NME7: variants seen among roughly 807,000 people sequenced by gnomAD.
NME7 encodes the protein NME/NM23 family member 7.
In NME7, 41 loss-of-function variants were observed where a neutral mutation model predicts 49.1. The observed-to-expected ratio is 0.83, with a 90% CI of 0.65 to 1.08. The LOEUF (loss-of-function observed/expected upper bound fraction) is 1.08. NME7 is among the 50% of genes least tolerant of loss of function. The pLI is 0.00. For missense variants in NME7, 423 were observed against 463.4 expected, an observed-to-expected ratio of 0.91 and a Z score of 0.80; for synonymous variants, 139 against 150.6, an observed-to-expected ratio of 0.92 and a Z score of 0.56.
At chr1:169,277,750 G>T (rs1449154449) in intron 7 of NME7, among the ~76,000 whole-genome samples, 1 of 106,138 alleles carries the variant, frequency 9.4e-6, no homozygotes, top group Non-Finnish European at 2.0e-5. Context: ...TGGTTATTTT[G>T]CTCGTTAGTT....
At chr1:169,223,590 A>T (rs957687107) in intron 10 of NME7, among the ~76,000 whole-genome samples, 1 of 152,086 alleles carries the variant, frequency 6.6e-6, no homozygotes, top group Non-Finnish European at 1.5e-5. Flanking sequence ...TTGATATGTC[A>T]CCATTACTTT....
intron 1 of NME7, among the ~76,000 whole-genome samples, chr1:169,367,143 T>TA (rs10626974): frequency 0.49 from 72,795 of 148,474 alleles, 18,719 homozygotes; most frequent in Non-Finnish European, 0.58. Context: ...AATTTCTGTT[T>TA]AAAAAAAAAA....
rs115981374 is a variant in NME7 at position 169,257,334 on chromosome 1, C to T, written c.755-19647G>A. 5.3e-3 allele frequency among the ~76,000 whole-genome samples: 713 copies of T among 134,672 alleles called. 71 individuals are homozygous for T. Among genetic ancestry groups the T allele is most frequent in the African/African-American group, 0.017 (666 of 39,818 alleles). 88.4% of individuals were successfully genotyped at this position (134,672 alleles called of 152,430 possible). On this transcript the variant is annotated intron_variant, in intron 7 of 11. Coordinates refer to ENST00000367811, the MANE Select transcript of NME7 (RefSeq NM_013330.5). Reference sequence around the variant, plus strand: ...TGGGAGTGACCCGATTTTCCAGGTGCTGTCCGGCATCCCTTTCTTTGACTC... The same window carrying T: ...TGGGAGTGACCCGATTTTCCAGGTGTTGTCCGGCATCCCTTTCTTTGACTC...
chr1:169,241,521 T>G (rs1046717864), intron 7 of NME7, among the ~76,000 whole-genome samples: 3 of 152,014 alleles, frequency 2.0e-5, no homozygotes, highest in Admixed American at 6.6e-5. Flanking sequence ...TATTAAACAC[T>G]ATGCTTCAAT....
chr1:169,311,452 A>G (rs544415506), intron 3 of NME7, among the ~76,000 whole-genome samples: 1 of 150,968 alleles, frequency 6.6e-6, no homozygotes, highest in South Asian at 2.1e-4. Flanking sequence ...AAATATCCTT[A>G]CTTAAATTGG....
intron 10 of NME7, among the ~76,000 whole-genome samples, chr1:169,206,609 T>G (rs750027785): frequency 6.6e-6 from 1 of 152,150 alleles, no homozygotes; most frequent in African/African-American, 2.4e-5. Context: ...ATGGAGCCTA[T>G]GAACCCTTCT....
chr1:169,177,106 C>T (rs1378797877), intron 10 of NME7, among the ~76,000 whole-genome samples: 1 of 152,140 alleles, frequency 6.6e-6, no homozygotes, highest in Admixed American at 6.5e-5. Flanking sequence ...ATCCCTATAA[C>T]ATAATTACTA....
intron 1 of NME7, among the ~76,000 whole-genome samples, chr1:169,341,730 A>G (rs1016291397): frequency 2.0e-5 from 3 of 152,200 alleles, no homozygotes; most frequent in South Asian, 4.1e-4. Flanking sequence ...GGTGTGAGAC[A>G]TGGAATCAGA....
intron 1 of NME7, among the ~76,000 whole-genome samples, chr1:169,330,042 T>C (rs1432257164): frequency 1.3e-5 from 2 of 152,222 alleles, no homozygotes; most frequent in South Asian, 4.1e-4. Context: ...CATTACATAT[T>C]TAAAGTGGTG....
chr1:169,149,735 A>G (rs577709322), intron 11 of NME7, among the ~76,000 whole-genome samples: 25 of 152,348 alleles, frequency 1.6e-4, no homozygotes, highest in African/African-American at 6.0e-4. Flanking sequence ...AAAGCAGAAC[A>G]GCATGAGATT....
At chr1:169,243,226 T>C (rs974539177) in intron 7 of NME7, among the ~76,000 whole-genome samples, 4 of 151,950 alleles carry the variant, frequency 2.6e-5, no homozygotes, top group Non-Finnish European at 5.9e-5. Flanking sequence ...AATCCCAAAA[T>C]AGAACCACAC....
At chr1:169,355,253 ATC>A in intron 1 of NME7, among the ~76,000 whole-genome samples, 1 of 24,324 alleles carries the variant, frequency 4.1e-5, no homozygotes, top group Non-Finnish European at 1.1e-4. Flanking sequence ...TATATATTAT[ATC>A]TATATATAAT....
chr1:169,353,737 C>CA (rs1044838093), intron 1 of NME7, among the ~76,000 whole-genome samples: 4 of 151,874 alleles, frequency 2.6e-5, no homozygotes, highest in Admixed American at 1.3e-4. Flanking sequence ...AAAAATTGGG[C>CA]AAAAAATCTC....
At chr1:169,321,224 G>A (rs1238225338) in intron 3 of NME7, among the ~76,000 whole-genome samples, 1 of 152,162 alleles carries the variant, frequency 6.6e-6, no homozygotes, top group Admixed American at 6.5e-5. Flanking sequence ...GCCAGGAATA[G>A]TGGTGCATGG....
intron 1 of NME7, among the ~76,000 whole-genome samples, chr1:169,343,196 G>C (rs12567342): frequency 0.083 from 12,475 of 151,176 alleles, 703 homozygotes; most frequent in Admixed American, 0.19. Context: ...CAAGGATACA[G>C]AGATATATAT....
Position 169,278,382 on chromosome 1 carries a change from G to C in NME7, c.754+8921C>G, listed in dbSNP as rs533334600. 9.9e-4 allele frequency among the ~76,000 whole-genome samples: 151 copies of C among 152,150 alleles called. 2 individuals are homozygous for C. The highest frequency in any genetic ancestry group is 2.1e-3 in the South Asian group (10 of 4,808). On this transcript the variant is annotated intron_variant, in intron 7 of 11. Transcript: ENST00000367811. Reference sequence around the variant, plus strand: ...CCCATATTTCTTGGAGGCTTTGTTTGTTTCTTTTTATTCTTTTCTCTCTAA... The same window carrying C: ...CCCATATTTCTTGGAGGCTTTGTTTCTTTCTTTTTATTCTTTTCTCTCTAA...
At chr1:169,344,783 C>T (rs1652900646) in intron 1 of NME7, among the ~76,000 whole-genome samples, 1 of 152,018 alleles carries the variant, frequency 6.6e-6, no homozygotes, top group South Asian at 2.1e-4. Flanking sequence ...TTTTTCACCT[C>T]TATTCATGAT....
At chr1:169,210,918 A>G (rs1660795047) in intron 10 of NME7, among the ~76,000 whole-genome samples, 1 of 151,932 alleles carries the variant, frequency 6.6e-6, no homozygotes, top group Admixed American at 6.6e-5. Context: ...TAAGACTTTT[A>G]GGTATATTCC....
intron 7 of NME7, chr1:169,284,500 T>C (rs572137568): frequency 1.3e-5 from 2 of 152,138 alleles, no homozygotes; most frequent in Non-Finnish European, 2.9e-5. Flanking sequence ...GTGAAATGGA[T>C]AGATTGCAAA....
Sources: gnomAD v4.1 joint callset for allele counts (sites outside exome capture counted in the v4.1 genomes callset) on GRCh38, gnomAD v4.1.1 for gene constraint, MANE v1.5 for transcripts, NCBI Gene and HGNC (gene_info 2026-07-23, HGNC 2026-07-21) for gene names.